Variants in FMN2 observed in about 807,000 individuals in gnomAD.
The protein encoded by FMN2 is formin-2.
FMN2 carries 51 observed loss-of-function variants against 142.3 expected under a neutral mutation model. The observed-to-expected ratio is 0.36, with a 90% CI of 0.29 to 0.45. The LOEUF (loss-of-function observed/expected upper bound fraction) is 0.45. Ranked by LOEUF, FMN2 falls within the 20% of genes least tolerant of loss-of-function variation. FMN2 has a pLI of 1.00. For synonymous variants in FMN2, 882 were observed against 869.8 expected, an observed-to-expected ratio of 1.01 and a Z score of -0.25; for missense variants, 1,936 against 2,122.8, an observed-to-expected ratio of 0.91 and a Z score of 1.73.
intron 4 of FMN2, among the ~76,000 whole-genome samples, chr1:240,203,171 C>A (rs1316358891): frequency 6.6e-6 from 1 of 152,138 alleles, no homozygotes; most frequent in Non-Finnish European, 1.5e-5. Flanking sequence ...TCACTATCAT[C>A]ATACAATTGG....
intron 2 of FMN2, among the ~76,000 whole-genome samples, chr1:240,126,060 A>AACAGC (rs752953312): frequency 1.3e-3 from 195 of 152,268 alleles, no homozygotes; most frequent in Admixed American, 2.2e-3. Context: ...TATGCCCTAT[A>AACAGC]CTTAAATAGC....
At chr1:240,262,110 G>C (rs1024018750) in intron 7 of FMN2, among the ~76,000 whole-genome samples, 4 of 151,668 alleles carry the variant, frequency 2.6e-5, no homozygotes, top group Non-Finnish European at 5.9e-5. Context: ...TTAAGTTCTA[G>C]GGTACATGTG....
chr1:240,256,097 C>T (rs1430264627), intron 6 of FMN2, among the ~76,000 whole-genome samples: 2 of 151,980 alleles, frequency 1.3e-5, no homozygotes, highest in African/African-American at 4.8e-5. Context: ...CATTGAGAAA[C>T]CAGAAGATGA....
At chr1:240,309,565 G>A (rs186055902) in intron 8 of FMN2, among the ~76,000 whole-genome samples, 1 of 152,264 alleles carries the variant, frequency 6.6e-6, no homozygotes, top group Non-Finnish European at 1.5e-5. Flanking sequence ...TGCACTCCGG[G>A]TATGCTGCTG....
chr1:240,357,640 G>A (rs1188602293), intron 14 of FMN2, among the ~76,000 whole-genome samples: 3 of 142,920 alleles, frequency 2.1e-5, no homozygotes, highest in Non-Finnish European at 4.5e-5. Flanking sequence ...ACGGAGTCTC[G>A]CACTGTTACC....
intron 6 of FMN2, among the ~76,000 whole-genome samples, chr1:240,246,645 C>T (rs1008615012): frequency 3.3e-5 from 5 of 152,096 alleles, no homozygotes; most frequent in South Asian, 2.1e-4. Context: ...ATTTAGGGAT[C>T]AGAATCTGCA....
At chr1:240,229,467 A>G (rs922279972) in intron 6 of FMN2, among the ~76,000 whole-genome samples, 2 of 152,032 alleles carry the variant, frequency 1.3e-5, no homozygotes, top group Non-Finnish European at 2.9e-5. Flanking sequence ...AAAAGTATTG[A>G]TTTATTGGTG....
chr1:240,337,089 A>G (rs1014778525), intron 13 of FMN2, among the ~76,000 whole-genome samples: 4 of 152,038 alleles, frequency 2.6e-5, no homozygotes, highest in African/African-American at 9.7e-5. Flanking sequence ...ATGTACGTCT[A>G]TCTGACTAAA....
At chr1:240,271,229 T>C (rs1669002921) in intron 7 of FMN2, among the ~76,000 whole-genome samples, 4 of 151,058 alleles carry the variant, frequency 2.6e-5, no homozygotes, top group Admixed American at 2.0e-4. Flanking sequence ...GAACAAGTTG[T>C]ACATTACAAA....
intron 13 of FMN2, among the ~76,000 whole-genome samples, chr1:240,335,439 CA>C (rs1242468366): frequency 2.0e-5 from 3 of 151,986 alleles, no homozygotes; most frequent in East Asian, 1.9e-4. Context: ...CTTAAAGCAA[CA>C]AAAAAACCCA....
intron 14 of FMN2, among the ~76,000 whole-genome samples, 182 bp downstream of exon 14, chr1:240,356,090 G>A (rs1672263166): frequency 6.6e-6 from 1 of 151,694 alleles, no homozygotes; most frequent in Admixed American, 6.6e-5. Flanking sequence ...GGTTGTAAGA[G>A]GCTAGCAATT....
At chr1:240,228,416 T>A (rs1397251246) in intron 6 of FMN2, among the ~76,000 whole-genome samples, 1 of 142,618 alleles carries the variant, frequency 7.0e-6, no homozygotes, top group Non-Finnish European at 1.5e-5. Flanking sequence ...CACTCTCAAA[T>A]AAGCACATAA....
chr1:240,157,537 A>G (rs1247802475), intron 2 of FMN2, among the ~76,000 whole-genome samples: 1 of 152,050 alleles, frequency 6.6e-6, no homozygotes, highest in Non-Finnish European at 1.5e-5. Context: ...AATGATTATA[A>G]TAACTTCTTT....
chr1:240,325,793 A>G (rs868466185), intron 8 of FMN2, among the ~76,000 whole-genome samples: 6 of 152,194 alleles, frequency 3.9e-5, no homozygotes, highest in South Asian at 4.1e-4. Flanking sequence ...GAGGGCCCCA[A>G]GCACAGTGTT....
chr1:240,445,702 G>GT lies in FMN2; in HGVS notation c.5060+7506dup, dbSNP rs34849609. 7.7e-3 allele frequency among the ~76,000 whole-genome samples: 1,110 copies of GT among 143,326 alleles called. 10 individuals are homozygous for GT. The highest frequency in any genetic ancestry group is 0.024 in the African/African-American group (918 of 38,702). The allele number at this position is 143,326 out of a possible 152,430, so 94.0% of individuals were successfully genotyped here. On this transcript the variant is annotated intron_variant, in intron 16 of 17. Coordinates refer to ENST00000319653, the MANE Select transcript of FMN2 (RefSeq NM_020066.5). Reference sequence around the variant, plus strand: ...GCATTCAATAGGAAGCCATCAAAGGGTTTTTTTTTTTTTTCTGGAGAGAAA... The same window carrying GT: ...GCATTCAATAGGAAGCCATCAAAGGGTTTTTTTTTTTTTTTCTGGAGAGAAA...
chr1:240,468,005 A>G (rs1157120536), intron 16 of FMN2, among the ~76,000 whole-genome samples: 1 of 152,080 alleles, frequency 6.6e-6, no homozygotes. Flanking sequence ...TTTCATTATC[A>G]TATGGTTTGG....
chr1:240,304,487 G>A (rs551846593), intron 8 of FMN2, among the ~76,000 whole-genome samples: 3 of 152,146 alleles, frequency 2.0e-5, no homozygotes, highest in South Asian at 4.2e-4. Flanking sequence ...TAATTTTCCC[G>A]ATATATATAC....
intron 14 of FMN2, among the ~76,000 whole-genome samples, chr1:240,366,347 C>G (rs1047614855): frequency 2.6e-5 from 4 of 152,042 alleles, no homozygotes; most frequent in Non-Finnish European, 4.4e-5. Context: ...AAATCATAAC[C>G]AACGTATTGT....
intron 15 of FMN2, among the ~76,000 whole-genome samples, chr1:240,392,829 A>C (rs998929160): frequency 6.6e-6 from 1 of 152,212 alleles, no homozygotes; most frequent in African/African-American, 2.4e-5. Context: ...GGAAATACAC[A>C]AAAGAAGGAA....
Sources: gnomAD v4.1 joint callset for allele counts (sites outside exome capture counted in the v4.1 genomes callset) on GRCh38, gnomAD v4.1.1 for gene constraint, MANE v1.5 for transcripts, NCBI Gene and HGNC (gene_info 2026-07-23, HGNC 2026-07-21) for gene names.